The following IL1RAPL1 variants were observed in gnomAD, a reference collection of about 807,000 sequenced individuals.
The protein encoded by IL1RAPL1 is interleukin-1 receptor accessory protein-like 1.
IL1RAPL1 carries 3 observed loss-of-function variants against 48.4 expected under a neutral mutation model. The ratio of observed to expected loss-of-function variants is 0.06; its 90% confidence interval spans 0.03 to 0.16. The LOEUF (loss-of-function observed/expected upper bound fraction) is 0.16. Among genes scored for constraint, IL1RAPL1 ranks in the 10% least tolerant of loss-of-function variants. The pLI, the probability that IL1RAPL1 is intolerant of heterozygous loss-of-function variation, is 1.00. For synonymous variants in IL1RAPL1, 185 were observed against 187.7 expected (o/e 0.99, Z 0.12); for missense variants, 349 against 530.6 (o/e 0.66, Z 3.36).
chrX:28,757,142 G>A (rs1034466602), intron 1 of IL1RAPL1, among the ~76,000 whole-genome samples: 2 of 112,078 alleles, frequency 1.8e-5, no homozygotes, highest in African/African-American at 6.5e-5. Context: ...CCTTGCAGTA[G>A]ATGCAAAAAA....
intron 5 of IL1RAPL1, among the ~76,000 whole-genome samples, chrX:29,569,225 A>T (rs1489722232): frequency 9.0e-6 from 1 of 110,903 alleles, no homozygotes; most frequent in Non-Finnish European, 1.9e-5. Flanking sequence ...CTTGAAAATG[A>T]TGTAGGAATA....
intron 2 of IL1RAPL1, among the ~76,000 whole-genome samples, chrX:29,148,713 A>G (rs139000995): frequency 0.028 from 3,139 of 111,679 alleles, 52 homozygotes; most frequent in Non-Finnish European, 0.046. Flanking sequence ...AAATCTTTGG[A>G]GTTATCAACC....
chrX:29,727,351 A>T (rs750881965), intron 6 of IL1RAPL1, among the ~76,000 whole-genome samples: 2 of 112,164 alleles, frequency 1.8e-5, no homozygotes, highest in East Asian at 2.8e-4. Flanking sequence ...ATTGTGAAGG[A>T]TATGAAAAAA....
chrX:29,662,570 T>TA (rs948970513), intron 5 of IL1RAPL1, among the ~76,000 whole-genome samples: 5 of 112,270 alleles, frequency 4.5e-5, no homozygotes, highest in Admixed American at 3.8e-4. Flanking sequence ...GGAAATATTT[T>TA]AAAAATATTT....
At chrX:29,426,356 AT>A (rs1934349972) in intron 5 of IL1RAPL1, among the ~76,000 whole-genome samples, 1 of 111,662 alleles carries the variant, frequency 9.0e-6, no homozygotes, top group Admixed American at 9.6e-5. Context: ...AGTAGAAGAT[AT>A]GGTTTCTATT....
chrX:29,066,234 T>C (rs1169801664), intron 2 of IL1RAPL1, among the ~76,000 whole-genome samples: 1 of 112,247 alleles, frequency 8.9e-6, no homozygotes, highest in Non-Finnish European at 1.9e-5. Flanking sequence ...AACTGGACTA[T>C]TTTAGTTAAA....
At chrX:29,232,865 C>G in intron 2 of IL1RAPL1, among the ~76,000 whole-genome samples, 1 of 110,844 alleles carries the variant, frequency 9.0e-6, no homozygotes, top group East Asian at 2.8e-4. Context: ...GTGGCCCAAT[C>G]TTGGCTCACT....
intron 5 of IL1RAPL1, among the ~76,000 whole-genome samples, chrX:29,642,511 T>A (rs1244604489): frequency 8.9e-6 from 1 of 112,580 alleles, no homozygotes; most frequent in African/African-American, 3.2e-5. Flanking sequence ...TACCTGTCCT[T>A]TTCATTAGAA....
At chrX:28,697,030 A>G (rs2146928095) in intron 1 of IL1RAPL1, among the ~76,000 whole-genome samples, 1 of 111,892 alleles carries the variant, frequency 8.9e-6, no homozygotes, top group South Asian at 3.6e-4. Context: ...AAAGAAGAAA[A>G]GATGTCTCAA....
At chrX:29,858,663 A>G (rs111564977) in intron 6 of IL1RAPL1, among the ~76,000 whole-genome samples, 322 of 111,795 alleles carry the variant, frequency 2.9e-3, no homozygotes, top group Admixed American at 5.1e-3. Flanking sequence ...TCCCAGTGAT[A>G]ATTGTTTACC....
intron 2 of IL1RAPL1, among the ~76,000 whole-genome samples, chrX:28,822,169 C>G (rs752178522): frequency 1.8e-5 from 2 of 111,232 alleles, no homozygotes; most frequent in Non-Finnish European, 3.8e-5. Context: ...TCTCATAGTA[C>G]CTTGTCTGCA....
At chrX:29,516,729 G>C (rs1935449779) in intron 5 of IL1RAPL1, among the ~76,000 whole-genome samples, 1 of 110,431 alleles carries the variant, frequency 9.1e-6, no homozygotes, top group African/African-American at 3.3e-5. Context: ...TAACAGTGTT[G>C]CTATGACTAT....
intron 2 of IL1RAPL1, among the ~76,000 whole-genome samples, chrX:28,849,015 T>C (rs1180273343): frequency 9.0e-6 from 1 of 111,436 alleles, no homozygotes; most frequent in Admixed American, 9.6e-5. Flanking sequence ...GCTGATAGTA[T>C]TATTGTCTAA....
intron 9 of IL1RAPL1, among the ~76,000 whole-genome samples, chrX:29,942,380 C>T (rs192954617): frequency 3.6e-5 from 4 of 110,115 alleles, no homozygotes; most frequent in East Asian, 5.6e-4. Flanking sequence ...TTTTACTGTA[C>T]GTAGACAAAT....
At chrX:29,612,991 CTG>C (rs1569127804) in intron 5 of IL1RAPL1, among the ~76,000 whole-genome samples, 1 of 111,994 alleles carries the variant, frequency 8.9e-6, no homozygotes, top group Non-Finnish European at 1.9e-5. Context: ...AATTTACTAA[CTG>C]TTAAATTCAC....
intron 2 of IL1RAPL1, among the ~76,000 whole-genome samples, chrX:28,891,640 G>A (rs749955713): frequency 8.9e-6 from 1 of 112,329 alleles, no homozygotes; most frequent in African/African-American, 3.2e-5. Flanking sequence ...ATATACCGTT[G>A]TATGGATGCA....
intron 2 of IL1RAPL1, among the ~76,000 whole-genome samples, chrX:29,171,157 C>T (rs764790261): frequency 1.1e-3 from 120 of 111,045 alleles, no homozygotes; most frequent in African/African-American, 3.8e-3. Context: ...CCACCATGCC[C>T]GGCTAATTTT....
intron 1 of IL1RAPL1, among the ~76,000 whole-genome samples, chrX:28,604,438 G>T (rs751861108): frequency 2.7e-5 from 3 of 111,545 alleles, no homozygotes; most frequent in African/African-American, 9.8e-5. Flanking sequence ...AGTAAAAATT[G>T]TATTTGTAGG....
At position 29,919,957 on chromosome X, in the gene IL1RAPL1, A is replaced by G. The variant is rs758196137; in HGVS notation, c.920A>G (p.Lys307Arg). 9.1e-6 allele frequency: 11 copies of G among 1,210,954 alleles called. No homozygotes were observed. Among genetic ancestry groups the G allele is most frequent in the Non-Finnish European group, 1.2e-5 (11 of 894,719 alleles). ...GTTGCTTTACATTTTAGAATTCTTA[A>G]GGAGCATCTTGGGGAACAGGAAGTT... ...RVWESDIRIL[K>R]EHLGEQEVSI... Residue 307 changes from lysine to arginine, a missense_variant, in exon 8 of 11, where the codon AAG (lysine) becomes AGG (arginine). Physicochemically the swap from Lys to Arg is conservative, Grantham distance 26. Transcript: ENST00000378993.
Sources: allele counts gnomAD v4.1 joint callset (sites outside exome capture counted in the v4.1 genomes callset), GRCh38; gene constraint gnomAD v4.1.1; transcripts MANE v1.5; gene names NCBI Gene and HGNC (gene_info 2026-07-23, HGNC 2026-07-21).